TENM3: variants seen among roughly 807,000 people sequenced by gnomAD.
The protein encoded by TENM3 is teneurin-3.
In TENM3, 63 loss-of-function variants were observed where a neutral mutation model predicts 255.1. That is an observed-to-expected ratio of 0.25 (90% CI 0.20 to 0.30). TENM3 has a LOEUF of 0.30. Ranked by LOEUF, TENM3 falls within the 10% of genes least tolerant of loss-of-function variation. The pLI is 1.00. For missense variants in TENM3, 2,929 were observed against 3,461.1 expected (o/e 0.85, Z 3.86); for synonymous variants, 1,306 against 1,322.3 (o/e 0.99, Z 0.27).
At chr4:182,730,583 A>C (rs538996536) in intron 15 of TENM3, among the ~76,000 whole-genome samples, 2 of 152,316 alleles carry the variant, frequency 1.3e-5, no homozygotes, top group South Asian at 4.1e-4. Context: ...GTATGTTGAA[A>C]TCTTTAGGGG....
intron 18 of TENM3, among the ~76,000 whole-genome samples, chr4:182,742,690 A>G (rs1253884559): frequency 6.6e-6 from 1 of 152,210 alleles, no homozygotes; most frequent in African/African-American, 2.4e-5. Flanking sequence ...TATTCCCTAA[A>G]GAACATTATG....
chr4:181,473,240 C>T, the TENM3 span, among the ~76,000 whole-genome samples: 1 of 152,012 alleles, frequency 6.6e-6, no homozygotes, highest in African/African-American at 2.4e-5. Flanking sequence ...CTATCAGCTT[C>T]CTTATTTGGT....
the TENM3 span, among the ~76,000 whole-genome samples, chr4:181,608,929 G>A: frequency 6.6e-6 from 1 of 152,186 alleles, no homozygotes; most frequent in Non-Finnish European, 1.5e-5. Flanking sequence ...AACAAAGAGA[G>A]CCACTGTTTT....
chr4:181,874,381 G>T, the TENM3 span: 1 of 151,944 alleles, frequency 6.6e-6, no homozygotes, highest in Non-Finnish European at 1.5e-5. Context: ...TTCTTCTGTC[G>T]ACATTTGCTT....
At chr4:182,624,408 A>G (rs911902891) in intron 4 of TENM3, among the ~76,000 whole-genome samples, 6 of 152,146 alleles carry the variant, frequency 3.9e-5, no homozygotes, top group East Asian at 1.9e-4. Context: ...CAGCTTTGCC[A>G]GGTAGCTCTC....
chr4:182,415,800 T>G (rs1168551583), intron 3 of TENM3, among the ~76,000 whole-genome samples: 3 of 152,124 alleles, frequency 2.0e-5, no homozygotes, highest in African/African-American at 7.2e-5. Flanking sequence ...ACTTGACATG[T>G]AATTTAGCTG....
chr4:181,920,526 T>G, the TENM3 span, among the ~76,000 whole-genome samples: 1 of 152,270 alleles, frequency 6.6e-6, no homozygotes, highest in Non-Finnish European at 1.5e-5. Flanking sequence ...GCTGCATAAA[T>G]GTCTTCTCTT....
chr4:181,914,018 C>T, the TENM3 span, among the ~76,000 whole-genome samples: 35 of 152,276 alleles, frequency 2.3e-4, no homozygotes, highest in Non-Finnish European at 1.0e-4. Flanking sequence ...TTGTCTATTG[C>T]GATCACCTCT....
At chr4:181,775,984 G>A in the TENM3 span, among the ~76,000 whole-genome samples, 1 of 152,134 alleles carries the variant, frequency 6.6e-6, no homozygotes, top group East Asian at 1.9e-4. Flanking sequence ...GTTAACTATA[G>A]TTACTTACTC....
At chr4:182,797,154 T>C (rs1299432259) in intron 27 of TENM3, among the ~76,000 whole-genome samples, 1 of 152,126 alleles carries the variant, frequency 6.6e-6, no homozygotes, top group Non-Finnish European at 1.5e-5. Flanking sequence ...ATTAACAGTG[T>C]TTTGGCCGAG....
chr4:182,012,334 T>C, the TENM3 span, among the ~76,000 whole-genome samples: 1 of 152,222 alleles, frequency 6.6e-6, no homozygotes, highest in Non-Finnish European at 1.5e-5. Flanking sequence ...AAATCTTCAC[T>C]AATTCCAGGC....
At chr4:182,089,489 A>C in the TENM3 span, among the ~76,000 whole-genome samples, 1 of 152,312 alleles carries the variant, frequency 6.6e-6, no homozygotes, top group East Asian at 1.9e-4. Flanking sequence ...CCAAAAAATC[A>C]ATTAAGGCGC....
chr4:182,754,235 G>T lies in TENM3; in HGVS notation c.4018-150G>T. 2.8e-6 allele frequency: 2 copies of T among 720,702 alleles called. No homozygotes were observed. The highest frequency in any genetic ancestry group is 2.1e-5 in the South Asian group (1 of 48,052). 44.6% of individuals were successfully genotyped at this position (720,702 alleles called of 1,614,324 possible). On this transcript the variant is annotated intron_variant, in intron 21 of 27. Transcript: ENST00000511685. This position sits in a 1 kb window ranked among gnomAD's most constrained non-coding sequence, Gnocchi z 5.1. Reference sequence around the variant, plus strand: ...TATCTATCTTCATTCATTACTTTTTGGTTTATTTTACTGAGGCTATTGAAA... The same window carrying T: ...TATCTATCTTCATTCATTACTTTTTTGTTTATTTTACTGAGGCTATTGAAA...
At chr4:182,260,872 A>G (rs1482438434) in intron 1 of TENM3, among the ~76,000 whole-genome samples, 1 of 151,816 alleles carries the variant, frequency 6.6e-6, no homozygotes, top group Non-Finnish European at 1.5e-5. Context: ...TTAATTCATT[A>G]TTTTCTTTCT....
At chr4:181,900,785 C>A in the TENM3 span, among the ~76,000 whole-genome samples, 1 of 152,184 alleles carries the variant, frequency 6.6e-6, no homozygotes, top group Non-Finnish European at 1.5e-5. Context: ...CCTTCCTTTC[C>A]CCCGGAGCAC....
In TENM3 at chr4:182,800,106, C is replaced by T. The variant is rs752461650; in HGVS notation, c.7855C>T (p.Arg2619Cys). 7 of 1,567,260 alleles carry T rather than the reference C, an allele frequency of 4.5e-6. No individual in the cohort carries two copies. The Admixed American group carries it at 5.8e-5, about 13-fold the overall frequency. ...CATGACCCTGGACGAGGAGAAGGCG[C>T]GCATCCTGGAGCAGGCGCGGCAGCG... ...YGMTLDEEKA[R>C]ILEQARQRAL... Residue 2619 changes from arginine (R) to cysteine (C), a missense_variant, in exon 28 of 28, where the codon CGC (arginine) becomes TGC (cysteine). Arg to Cys is a radical substitution (Grantham distance 180, BLOSUM62 -3). Coordinates refer to ENST00000511685, the MANE Select transcript of TENM3 (RefSeq NM_001080477.4).
Position 182,680,206 on chromosome 4 carries a change from G to A in TENM3, c.1538-42G>A, listed in dbSNP as rs764336574. On this transcript the variant is annotated intron_variant, in intron 8 of 27. Coordinates refer to ENST00000511685, the MANE Select transcript of TENM3 (RefSeq NM_001080477.4). ...TGATACCGTTTATCTTTTGCAAGAG[G>A]CAGGCTATACAACAAGTGTTCCTTC... 4.4e-5 allele frequency: 60 copies of A among 1,378,998 alleles called. 2 individuals are homozygous for A. In the South Asian group the frequency reaches 6.9e-4, roughly 16 times the overall value. 85.4% of individuals were successfully genotyped at this position (1,378,998 alleles called of 1,614,324 possible). A position where few individuals can be genotyped will look rare whatever the true frequency, so the allele number is the denominator to read the frequency against.
At chr4:181,824,889 C>T in the TENM3 span, among the ~76,000 whole-genome samples, 1 of 152,140 alleles carries the variant, frequency 6.6e-6, no homozygotes, top group Non-Finnish European at 1.5e-5. Context: ...CACCAGGTTA[C>T]AATGCGTTAA....
At chr4:182,424,884 A>C (rs1017202957) in intron 3 of TENM3, among the ~76,000 whole-genome samples, 1 of 152,158 alleles carries the variant, frequency 6.6e-6, no homozygotes, top group Non-Finnish European at 1.5e-5. Flanking sequence ...ATGAAATCTT[A>C]AAATTATATT....
Sources: allele counts gnomAD v4.1 joint callset (sites outside exome capture counted in the v4.1 genomes callset), GRCh38; gene constraint gnomAD v4.1.1; non-coding constraint Gnocchi (gnomAD v3.1); transcripts MANE v1.5; gene names NCBI Gene and HGNC (gene_info 2026-07-23, HGNC 2026-07-21).